The following SKIC3 variants were observed in gnomAD, a reference collection of about 807,000 sequenced individuals.
SKIC3 encodes superkiller complex protein 3.
chr5:95,498,056 T>C, the SKIC3 span, among the ~76,000 whole-genome samples: 7 of 152,208 alleles, frequency 4.6e-5, no homozygotes, highest in South Asian at 1.5e-3. Flanking sequence ...ACTAAAACCA[T>C]CAATCTAGAC....
chr5:95,546,887 C>A, the SKIC3 span: 1 of 627,000 alleles, frequency 1.6e-6, no homozygotes. Flanking sequence ...TTAAGTTTGG[C>A]AGAGGTAGTT....
At chr5:95,532,935 T>C in the SKIC3 span, among the ~76,000 whole-genome samples, 1 of 152,108 alleles carries the variant, frequency 6.6e-6, no homozygotes, top group Admixed American at 6.6e-5. Flanking sequence ...ATCAATACTA[T>C]CTAATTTTTC....
At chr5:95,543,136 A>C in the SKIC3 span, 14 of 1,547,796 alleles carry the variant, frequency 9.0e-6, no homozygotes, top group Non-Finnish European at 1.2e-5. Context: ...TGAAAAATGC[A>C]AAAAAAAATC....
chr5:95,536,919 G>A, the SKIC3 span: 3 of 1,613,436 alleles, frequency 1.9e-6, no homozygotes, highest in South Asian at 2.2e-5. Flanking sequence ...GCAGACTCAT[G>A]AGGAAACTTG....
chr5:95,520,901 T>C, the SKIC3 span: 6 of 1,013,318 alleles, frequency 5.9e-6, no homozygotes, highest in Admixed American at 1.9e-5. Flanking sequence ...TTATTGGTGT[T>C]ATTTTAAAGC....
At chr5:95,490,505 T>TG in the SKIC3 span, among the ~76,000 whole-genome samples, 1 of 87,384 alleles carries the variant, frequency 1.1e-5, no homozygotes, top group African/African-American at 7.6e-5. Flanking sequence ...TATATATATA[T>TG]TTTTTTTTTT....
At chr5:95,484,764 T>C in the SKIC3 span, 3 of 1,614,094 alleles carry the variant, frequency 1.9e-6, no homozygotes, top group Non-Finnish European at 2.5e-6. Flanking sequence ...TCTTCCTGTG[T>C]CTATTAGACC....
the SKIC3 span, chr5:95,529,327 G>C: frequency 1.7e-6 from 1 of 580,726 alleles, no homozygotes; most frequent in Non-Finnish European, 3.1e-6. Context: ...ATCACTACAA[G>C]TGCTTGCCAT....
the SKIC3 span, among the ~76,000 whole-genome samples, chr5:95,487,577 T>A: frequency 1.3e-5 from 2 of 151,916 alleles, no homozygotes; most frequent in Non-Finnish European, 2.9e-5. Context: ...ACCAAAGAAA[T>A]CACAAATATC....
chr5:95,477,700 T>C, the SKIC3 span, among the ~76,000 whole-genome samples: 1 of 152,166 alleles, frequency 6.6e-6, no homozygotes, highest in African/African-American at 2.4e-5. Context: ...CAAACACACA[T>C]GGTATATTTA....
At chr5:95,539,965 T>C in the SKIC3 span, among the ~76,000 whole-genome samples, 23 of 152,206 alleles carry the variant, frequency 1.5e-4, no homozygotes, top group Admixed American at 3.9e-4. Flanking sequence ...TGCATGTTTA[T>C]AGCGGCACAA....
chr5:95,526,260 T>TC, the SKIC3 span, among the ~76,000 whole-genome samples: 2 of 152,116 alleles, frequency 1.3e-5, no homozygotes, highest in Non-Finnish European at 2.9e-5. Flanking sequence ...CTTTTTTTTT[T>TC]CTTCCTTACA....
chr5:95,528,125 G>A, the SKIC3 span: 28 of 1,613,594 alleles, frequency 1.7e-5, no homozygotes, highest in African/African-American at 5.3e-5. Context: ...GTTACCAGAC[G>A]CACCAAGATT....
chr5:95,512,348 G>T, the SKIC3 span: 1 of 1,064,498 alleles, frequency 9.4e-7, no homozygotes, highest in Non-Finnish European at 1.3e-6. Context: ...CTTCGCTGTT[G>T]CAAAAAGAAG....
chr5:95,504,052 T>C, the SKIC3 span: 3 of 794,848 alleles, frequency 3.8e-6, no homozygotes, highest in Admixed American at 2.3e-5. Context: ...CTCACATCTG[T>C]AATCCCAGCA....
the SKIC3 span, chr5:95,530,033 C>T: frequency 6.3e-7 from 1 of 1,597,002 alleles, no homozygotes; most frequent in South Asian, 1.1e-5. Context: ...AGATAAATGC[C>T]TACTGACTGA....
At chr5:95,471,123 C>T in the SKIC3 span, among the ~76,000 whole-genome samples, 1 of 152,072 alleles carries the variant, frequency 6.6e-6, no homozygotes, top group Non-Finnish European at 1.5e-5. Context: ...TGAAAATAGA[C>T]AATAGTGGTT....
the SKIC3 span, chr5:95,525,651 G>A: frequency 6.2e-7 from 1 of 1,613,974 alleles, no homozygotes; most frequent in Non-Finnish European, 8.5e-7. Flanking sequence ...CAAAAGTCCT[G>A]GGATATTATC....
At chr5:95,466,795 T>C in the SKIC3 span, among the ~76,000 whole-genome samples, 1,909 of 152,316 alleles carry the variant, frequency 0.013, 44 homozygotes, top group African/African-American at 0.044. Flanking sequence ...TGAATAAGTA[T>C]AGTTTTAAAC....
Sources: allele counts gnomAD v4.1 joint callset (sites outside exome capture counted in the v4.1 genomes callset), GRCh38; gene constraint gnomAD v4.1.1; transcripts MANE v1.5; gene names NCBI Gene and HGNC (gene_info 2026-07-23, HGNC 2026-07-21).